TEX9: variants seen among roughly 807,000 people sequenced by gnomAD.
The protein encoded by TEX9 is testis expressed 9.
In TEX9, 74 loss-of-function variants were observed where a neutral mutation model predicts 59.6. The observed-to-expected ratio is 1.24, with a 90% CI of 1.03 to 1.51. TEX9 has a LOEUF of 1.51. TEX9 is among the 40% of genes most tolerant of loss of function. TEX9 has a pLI of 0.00. For synonymous variants in TEX9, 186 were observed against 152.2 expected, an observed-to-expected ratio of 1.22 and a Z score of -1.64; for missense variants, 522 against 447.8, an observed-to-expected ratio of 1.17 and a Z score of -1.49.
At chr15:56,412,303 A>G (rs1184090864) in exon 10 of TEX9, 3 of 1,604,328 alleles carry the variant, frequency 1.9e-6, no homozygotes, top group Non-Finnish European at 2.5e-6. Context: ...ACTATACAGG[A>G]ATTAGAAAAT....
intron 9 of TEX9, among the ~76,000 whole-genome samples, chr15:56,400,194 A>ATCATGATG (rs1197216257): frequency 6.6e-6 from 1 of 152,200 alleles, no homozygotes; most frequent in African/African-American, 2.4e-5. Flanking sequence ...GAGCTAAAGG[A>ATCATGATG]TCATGATGTT....
At chr15:56,365,302 C>T (rs1236491838), upstream of TEX9, 10 of 1,093,750 alleles carry the variant, frequency 9.1e-6, 1 homozygote, top group Admixed American at 2.9e-4. Context: ...CGAGCAAAGG[C>T]CGAGCCCGCT....
At chr15:56,365,415 G>A (rs764330097), upstream of TEX9, 49 of 1,602,242 alleles carry the variant, frequency 3.1e-5, no homozygotes, top group Non-Finnish European at 3.8e-5. Flanking sequence ...GGGAAGATGC[G>A]TCGTTGCCTC....
At chr15:56,272,355 T>G (rs2044555764) in intron 1 of TEX9, among the ~76,000 whole-genome samples, 1 of 152,220 alleles carries the variant, frequency 6.6e-6, no homozygotes, top group African/African-American at 2.4e-5. Flanking sequence ...ATATTTCATA[T>G]AAATGCAATG....
chr15:56,358,036 A>G (rs981445434), intron 1 of TEX9, among the ~76,000 whole-genome samples: 14 of 152,176 alleles, frequency 9.2e-5, no homozygotes, highest in Non-Finnish European at 1.9e-4. Flanking sequence ...TTTCTTGAAA[A>G]AGATTTGTGT....
intron 1 of TEX9, among the ~76,000 whole-genome samples, chr15:56,342,996 G>A (rs2046402704): frequency 6.6e-6 from 1 of 152,160 alleles, no homozygotes; most frequent in Non-Finnish European, 1.5e-5. Context: ...TTCAGATGCT[G>A]TATAATGCTC....
intron 1 of TEX9, among the ~76,000 whole-genome samples, chr15:56,312,112 G>A: frequency 6.7e-6 from 1 of 148,710 alleles, no homozygotes; most frequent in Non-Finnish European, 1.5e-5. Context: ...CACTCTGATG[G>A]TAGTTTCTTT....
chr15:56,420,330 CAG>C (rs200353561), intron 10 of TEX9, among the ~76,000 whole-genome samples: 3,520 of 150,870 alleles, frequency 0.023, 106 homozygotes, highest in Admixed American at 0.078. Context: ...CTCCCCTAGA[CAG>C]AGTCTTGCTC....
intron 12 of TEX9, among the ~76,000 whole-genome samples, chr15:56,437,456 G>A (rs1259716720): frequency 6.6e-6 from 1 of 152,038 alleles, no homozygotes; most frequent in African/African-American, 2.4e-5. Context: ...GGTGTTGATG[G>A]GACATATCTC....
At chr15:56,281,307 C>T (rs1370692812) in intron 1 of TEX9, among the ~76,000 whole-genome samples, 2 of 152,224 alleles carry the variant, frequency 1.3e-5, no homozygotes, top group East Asian at 1.9e-4. Flanking sequence ...AACCCCCAGG[C>T]TGCAGACGGG....
At chr15:56,456,655 A>C in the TEX9 span, 82 of 911,886 alleles carry the variant, frequency 9.0e-5, no homozygotes, top group African/African-American at 1.2e-4. Context: ...AAAATACAAA[A>C]TGTTGTTTCA....
chr15:56,260,611 G>A (rs77612692), intron 1 of TEX9, among the ~76,000 whole-genome samples: 4,006 of 151,908 alleles, frequency 0.026, 171 homozygotes, highest in African/African-American at 0.09. Context: ...GTTATGATAT[G>A]TTATCCTTTT....
At chr15:56,333,492 C>T (rs913341139) in intron 1 of TEX9, among the ~76,000 whole-genome samples, 1 of 123,020 alleles carries the variant, frequency 8.1e-6, no homozygotes, top group African/African-American at 2.8e-5. Context: ...AAAAAAAACC[C>T]TCAAAAAACT....
At chr15:56,319,490 A>C (rs1485767869) in intron 1 of TEX9, among the ~76,000 whole-genome samples, 1 of 152,044 alleles carries the variant, frequency 6.6e-6, no homozygotes, top group Non-Finnish European at 1.5e-5. Flanking sequence ...TTAATCACAC[A>C]TTATTCTTCT....
At chr15:56,402,291 A>T (rs2048833468) in intron 9 of TEX9, among the ~76,000 whole-genome samples, 1 of 152,230 alleles carries the variant, frequency 6.6e-6, no homozygotes, top group Admixed American at 6.5e-5. Context: ...GCAATAAAAA[A>T]TGATAAAGGG....
chr15:56,250,381 G>A (rs2043986545), intron 1 of TEX9, among the ~76,000 whole-genome samples: 1 of 152,140 alleles, frequency 6.6e-6, no homozygotes, highest in African/African-American at 2.4e-5. Flanking sequence ...GATTTATAAA[G>A]GTGGGAGAAA....
intron 10 of TEX9, among the ~76,000 whole-genome samples, chr15:56,417,835 C>A (rs2140196875): frequency 6.6e-6 from 1 of 151,942 alleles, no homozygotes; most frequent in Admixed American, 6.5e-5. Context: ...TTGTAGGTTT[C>A]TAAGAACTTG....
chr15:56,446,740 CA>C, downstream of TEX9: 1 of 753,502 alleles, frequency 1.3e-6, no homozygotes, highest in South Asian at 1.9e-5. Context: ...AGAAATCTAG[CA>C]GTGTAAATTC....
intron 4 of TEX9, among the ~76,000 whole-genome samples, chr15:56,386,987 A>T (rs554468267): frequency 2.1e-4 from 31 of 151,086 alleles, no homozygotes; most frequent in African/African-American, 7.0e-4. Context: ...ATATATTTTA[A>T]TAGGTCTTCA....
Sources: gnomAD v4.1 joint callset for allele counts (sites outside exome capture counted in the v4.1 genomes callset) on GRCh38, gnomAD v4.1.1 for gene constraint, MANE v1.5 for transcripts, NCBI Gene and HGNC (gene_info 2026-07-23, HGNC 2026-07-21) for gene names.